The following TTC6 variants were observed in gnomAD, a reference collection of about 807,000 sequenced individuals.
TTC6 encodes tetratricopeptide repeat domain 6.
A neutral mutation model predicts 210.4 loss-of-function variants in TTC6; 172 were observed. That is an observed-to-expected ratio of 0.82 (90% CI 0.72 to 0.93). The LOEUF (loss-of-function observed/expected upper bound fraction) is 0.93. Among genes scored for constraint, TTC6 ranks in the 40% least tolerant of loss-of-function variants. The pLI is 0.00. For missense variants in TTC6, 2,414 were observed against 2,318.1 expected, an observed-to-expected ratio of 1.04 and a Z score of -0.85; for synonymous variants, 804 against 819.6, an observed-to-expected ratio of 0.98 and a Z score of 0.32.
chr14:37,622,873 C>G (rs1191366178), exon 1 of TTC6: 1 of 1,534,994 alleles, frequency 6.5e-7, no homozygotes, highest in Non-Finnish European at 8.7e-7. Flanking sequence ...CTGCTGCCCT[C>G]CCGCGTGATC....
chr14:37,792,969 C>T (rs1361793691), intron 17 of TTC6, among the ~76,000 whole-genome samples: 7 of 152,084 alleles, frequency 4.6e-5, no homozygotes, highest in African/African-American at 1.7e-4. Flanking sequence ...ATTAAAACAG[C>T]ACAATAAATA....
intron 26 of TTC6, among the ~76,000 whole-genome samples, chr14:37,823,143 C>T (rs1461899803): frequency 6.6e-6 from 1 of 152,102 alleles, no homozygotes; most frequent in African/African-American, 2.4e-5. Flanking sequence ...ACCTCCACCA[C>T]AAGAGAGTAA....
At chr14:37,690,923 C>CTT (rs2095802427) in intron 3 of TTC6, among the ~76,000 whole-genome samples, 1 of 152,198 alleles carries the variant, frequency 6.6e-6, no homozygotes, top group Non-Finnish European at 1.5e-5. Context: ...AATACACATT[C>CTT]TTTTCCTTAG....
exon 3 of TTC6, chr14:37,682,816 A>G (rs1464037368): frequency 1.3e-6 from 2 of 1,535,696 alleles, no homozygotes; most frequent in East Asian, 2.4e-5. Context: ...GAACAAGAGG[A>G]TATAGAATGG....
rs559020300 is a variant in TTC6, at chr14:37,806,778, A to G, written c.4314+268A>G. Among the ~76,000 whole-genome samples, 156 of 152,266 alleles carry G rather than the reference A, an allele frequency of 1.0e-3. 2 individuals are homozygous for G. Among genetic ancestry groups the G allele is most frequent in the Middle Eastern group, 6.8e-3 (2 of 294 alleles). On this transcript the variant is annotated intron_variant, in intron 22 of 30. Transcript: ENST00000553443. ...GCTATTAATAATTTAAAGTTTATAT[A>G]CTCATTAATTTTACTTACTTTTTGT...
At chr14:37,817,651 G>T in exon 26 of TTC6, 1 of 1,613,888 alleles carries the variant, frequency 6.2e-7, no homozygotes, top group East Asian at 2.2e-5. Context: ...TGCCATCACA[G>T]GTATGGAGTG....
intron 1 of TTC6, among the ~76,000 whole-genome samples, chr14:37,632,414 CA>C (rs909841094): frequency 1.3e-5 from 2 of 152,188 alleles, no homozygotes; most frequent in African/African-American, 4.8e-5. Context: ...AGATCCGCTG[CA>C]GACTCAGTTT....
intron 3 of TTC6, among the ~76,000 whole-genome samples, chr14:37,690,114 CTTGT>C (rs2095800988): frequency 6.6e-6 from 1 of 152,038 alleles, no homozygotes; most frequent in East Asian, 1.9e-4. Context: ...TTTCTGCTTG[CTTGT>C]TTGTGTGTTT....
chr14:37,601,176 A>C (rs538750269), intron 1 of TTC6, among the ~76,000 whole-genome samples: 3 of 152,256 alleles, frequency 2.0e-5, no homozygotes, highest in African/African-American at 7.2e-5. Flanking sequence ...CCTGTTAAAA[A>C]CTTTGCAGCC....
chr14:37,683,875 T>TA (rs1054552459), intron 3 of TTC6, among the ~76,000 whole-genome samples: 1 of 152,048 alleles, frequency 6.6e-6, no homozygotes, highest in African/African-American at 2.4e-5. Flanking sequence ...TTATTAGCAT[T>TA]AAAAAAACAG....
At chr14:37,693,330 A>G (rs995977914) in intron 3 of TTC6, among the ~76,000 whole-genome samples, 2 of 152,272 alleles carry the variant, frequency 1.3e-5, no homozygotes, top group East Asian at 1.9e-4. Context: ...AAGGATCTCT[A>G]TAATAAAAAC....
chr14:37,718,143 T>C (rs2095855675), intron 6 of TTC6, among the ~76,000 whole-genome samples: 2 of 152,216 alleles, frequency 1.3e-5, no homozygotes, highest in African/African-American at 4.8e-5. Flanking sequence ...GACAACTCCT[T>C]ATAAATATTG....
intron 4 of TTC6, among the ~76,000 whole-genome samples, chr14:37,699,290 C>T (rs933581590): frequency 1.3e-5 from 2 of 152,194 alleles, no homozygotes; most frequent in African/African-American, 4.8e-5. Flanking sequence ...TAGCTAACTT[C>T]TGCCATGTGA....
At chr14:37,729,407 A>G (rs1450883484) in intron 7 of TTC6, among the ~76,000 whole-genome samples, 3 of 152,224 alleles carry the variant, frequency 2.0e-5, no homozygotes, top group Non-Finnish European at 4.4e-5. Context: ...GAGGGGGCAT[A>G]CTTGACTGGT....
intron 29 of TTC6, among the ~76,000 whole-genome samples, chr14:37,837,095 G>C (rs983565975): frequency 2.0e-4 from 30 of 152,224 alleles, no homozygotes; most frequent in Non-Finnish European, 3.7e-4. Context: ...CTGCTTCTTA[G>C]TTAATATTCT....
intron 1 of TTC6, among the ~76,000 whole-genome samples, chr14:37,597,370 A>T (rs12587630): frequency 1.3e-5 from 2 of 152,006 alleles, no homozygotes; most frequent in African/African-American, 2.4e-5. Context: ...ACCGAGCAAG[A>T]CTAGGTTATT....
intron 29 of TTC6, among the ~76,000 whole-genome samples, chr14:37,832,741 G>T (rs1281743249): frequency 2.6e-5 from 4 of 151,952 alleles, no homozygotes; most frequent in Non-Finnish European, 4.4e-5. Context: ...GGCCTATCCT[G>T]GAGAATATTC....
At chr14:37,740,033 G>A (rs745533878) in intron 10 of TTC6, among the ~76,000 whole-genome samples, 52 of 151,658 alleles carry the variant, frequency 3.4e-4, no homozygotes, top group Admixed American at 3.4e-3. Flanking sequence ...GCGTGATGGT[G>A]GGCACCTGTA....
chr14:37,729,197 G>A (rs2095879810), intron 7 of TTC6, among the ~76,000 whole-genome samples: 1 of 152,122 alleles, frequency 6.6e-6, no homozygotes, highest in African/African-American at 2.4e-5. Flanking sequence ...TAATAATGCA[G>A]TCTAACCTTT....
Sources: gnomAD v4.1 joint callset for allele counts (sites outside exome capture counted in the v4.1 genomes callset) on GRCh38, gnomAD v4.1.1 for gene constraint, MANE v1.5 for transcripts, NCBI Gene and HGNC (gene_info 2026-07-23, HGNC 2026-07-21) for gene names.